The following GALNT2 variants were observed in gnomAD, a reference collection of about 807,000 sequenced individuals.
The protein encoded by GALNT2 is UDP-GalNAc:polypeptide N-acetylgalactosaminyltransferase 2.
In GALNT2, 31 loss-of-function variants were observed where a neutral mutation model predicts 81.4. The ratio of observed to expected loss-of-function variants is 0.38; its 90% confidence interval spans 0.29 to 0.51. The LOEUF (loss-of-function observed/expected upper bound fraction) is 0.51, where lower values mean the gene tolerates loss of function less well. GALNT2 is among the 20% of genes least tolerant of loss of function. GALNT2 has a pLI of 0.87. For missense variants in GALNT2, 629 were observed against 765.7 expected (o/e 0.82, Z 2.11); for synonymous variants, 303 against 287.4 (o/e 1.05, Z -0.55).
At chr1:230,270,894 G>A (rs1247909758) in intron 14 of GALNT2, among the ~76,000 whole-genome samples, 2 of 152,164 alleles carry the variant, frequency 1.3e-5, no homozygotes, top group Admixed American at 6.5e-5. Context: ...AGAACAAAAC[G>A]GCAACTAGCT....
Position 230,279,532 on chromosome 1 carries a change from G to A in GALNT2, c.*74G>A. ...GTCTGGTGATCACATTATTGATTATGTTTCTTAAACTTTCCGCGAAACTAA... is the reference window on the plus strand; with the variant it reads ...GTCTGGTGATCACATTATTGATTATATTTCTTAAACTTTCCGCGAAACTAA... On this transcript the variant is annotated 3_prime_UTR_variant, in exon 16 of 16. Transcript: ENST00000366672. This position sits in a 1 kb window ranked among gnomAD's most constrained non-coding sequence, Gnocchi z 4.6. 1 of 1,536,702 alleles carries A rather than the reference G, an allele frequency of 6.5e-7. No individual in the cohort carries two copies. Among genetic ancestry groups the A allele is most frequent in the South Asian group, 1.2e-5 (1 of 81,632 alleles).
chr1:230,201,328 C>T (rs1015549720), intron 2 of GALNT2, among the ~76,000 whole-genome samples: 1 of 152,114 alleles, frequency 6.6e-6, no homozygotes, highest in Non-Finnish European at 1.5e-5. Flanking sequence ...TGTGACACCC[C>T]CCAAGCATCA....
At chr1:230,223,686 G>A (rs529873826) in intron 3 of GALNT2, among the ~76,000 whole-genome samples, 1 of 152,146 alleles carries the variant, frequency 6.6e-6, no homozygotes, top group South Asian at 2.1e-4. Context: ...GGCCAGGCTG[G>A]TCTTGAACTC....
intron 1 of GALNT2, among the ~76,000 whole-genome samples, chr1:230,137,589 A>G (rs1661591486): frequency 6.6e-6 from 1 of 152,208 alleles, no homozygotes; most frequent in Admixed American, 6.5e-5. Context: ...CAGAAGTTTC[A>G]TTGCTTTTTA....
At chr1:230,256,736 T>C (rs992719538) in intron 11 of GALNT2, among the ~76,000 whole-genome samples, 3 of 152,204 alleles carry the variant, frequency 2.0e-5, no homozygotes, top group Non-Finnish European at 4.4e-5. Flanking sequence ...ATGCTAAAGA[T>C]AGAACAGCGT....
At chr1:230,207,392 T>C (rs1412736630) in intron 3 of GALNT2, among the ~76,000 whole-genome samples, 1 of 152,112 alleles carries the variant, frequency 6.6e-6, no homozygotes. Context: ...GAATAAGGCT[T>C]CAGAGCCTCC....
At chr1:230,244,305 G>A (rs928645955) in intron 7 of GALNT2, among the ~76,000 whole-genome samples, 5 of 151,928 alleles carry the variant, frequency 3.3e-5, no homozygotes, top group Admixed American at 1.3e-4. Flanking sequence ...TGTTATCTCC[G>A]TTTGACAGGT....
intron 14 of GALNT2, among the ~76,000 whole-genome samples, chr1:230,266,237 T>C (rs1189741176): frequency 1.3e-5 from 2 of 152,124 alleles, no homozygotes; most frequent in Non-Finnish European, 2.9e-5. Context: ...CACTACCTTC[T>C]CTTCTCCCAT....
chr1:230,210,609 TG>T (rs1319789893), intron 3 of GALNT2, among the ~76,000 whole-genome samples: 36 of 152,380 alleles, frequency 2.4e-4, no homozygotes, highest in African/African-American at 8.7e-4. Flanking sequence ...AAGAATATGT[TG>T]TTTTTACTCT....
chr1:230,113,366 C>T (rs940434547), intron 1 of GALNT2, among the ~76,000 whole-genome samples: 5 of 152,076 alleles, frequency 3.3e-5, no homozygotes, highest in African/African-American at 4.8e-5. Flanking sequence ...ATCCAGTTTG[C>T]GCAGCACTTA....
chr1:230,164,297 G>A (rs759776423), intron 1 of GALNT2, among the ~76,000 whole-genome samples: 1 of 152,164 alleles, frequency 6.6e-6, no homozygotes, highest in African/African-American at 2.4e-5. Context: ...TTCTCTCCTT[G>A]TGTGTGTGAT....
At chr1:230,196,244 T>A (rs1663691419) in intron 2 of GALNT2, among the ~76,000 whole-genome samples, 1 of 152,218 alleles carries the variant, frequency 6.6e-6, no homozygotes, top group Admixed American at 6.5e-5. Flanking sequence ...GCCTCCTGCA[T>A]CTGGCAGGCT....
At chr1:230,148,465 G>C (rs916784635) in intron 1 of GALNT2, among the ~76,000 whole-genome samples, 2 of 152,238 alleles carry the variant, frequency 1.3e-5, no homozygotes, top group Non-Finnish European at 2.9e-5. Flanking sequence ...TAACACAAGT[G>C]CTCTCTGTCC....
At chr1:230,199,941 G>A (rs923931304) in intron 2 of GALNT2, among the ~76,000 whole-genome samples, 4 of 152,092 alleles carry the variant, frequency 2.6e-5, no homozygotes, top group African/African-American at 7.2e-5. Context: ...CAGGGAAGCC[G>A]CCCCTGGTTT....
chr1:230,080,340 G>A lies in GALNT2; in HGVS notation c.126+12934G>A, dbSNP rs777017398. Among the ~76,000 whole-genome samples, 4 of 152,126 alleles carry A rather than the reference G, an allele frequency of 2.6e-5. 1 individual carries two copies. The highest frequency in any genetic ancestry group is 7.2e-5 in the African/African-American group (3 of 41,440). ...GGAGGACTGATGTGTGTTCAGAGTC[G>A]GAGCTTTCTGCAGAAATTCGAGTCC... On this transcript the variant is annotated intron_variant, in intron 1 of 15. Transcript: ENST00000366672.
intron 1 of GALNT2, among the ~76,000 whole-genome samples, chr1:230,093,551 G>T (rs1004457382): frequency 6.6e-6 from 1 of 152,248 alleles, no homozygotes; most frequent in African/African-American, 2.4e-5. Flanking sequence ...AGGCAGCACA[G>T]AGTGGTTGTT....
intron 2 of GALNT2, among the ~76,000 whole-genome samples, chr1:230,179,253 C>CTA: frequency 6.6e-6 from 1 of 152,214 alleles, no homozygotes; most frequent in East Asian, 1.9e-4. Context: ...ATTAAAGCTA[C>CTA]TATAAATATC....
rs971498105 is a variant in GALNT2 at position 230,279,193 on chromosome 1, G to T, written c.1561-110G>T. On this transcript the variant is annotated intron_variant, in intron 15 of 15. Coordinates refer to ENST00000366672, the MANE Select transcript of GALNT2 (RefSeq NM_004481.5). This position sits in a 1 kb window ranked among gnomAD's most constrained non-coding sequence, Gnocchi z 4.6. ...GTTCAGATGAGAGGCTGGGAAAAAC[G>T]TGTCTATCTGTGAGTTTTTAATGCA... 3.4e-6 allele frequency: 4 copies of T among 1,185,602 alleles called. No homozygotes were observed. In the African/African-American group the frequency reaches 4.7e-5, roughly 14 times the overall value. 73.4% of individuals were successfully genotyped at this position (1,185,602 alleles called of 1,614,324 possible).
At position 230,246,053 on chromosome 1, in the gene GALNT2, T is replaced by C; in HGVS notation, c.730-10T>C. ...GGATTTTGATAACTACTCCTCTCTT[T>C]GTATTTTAGGACAGGACTCGGGTTG... On this transcript the variant is annotated splice_polypyrimidine_tract_variant and intron_variant, in intron 7 of 15. Transcript: ENST00000366672. The C allele has an allele frequency of 1.9e-6, 3 of 1,609,814 alleles. No homozygotes were observed. The highest frequency in any genetic ancestry group is 2.6e-6 in the Non-Finnish European group (3 of 1,176,072).
Sources: allele counts gnomAD v4.1 joint callset (sites outside exome capture counted in the v4.1 genomes callset), GRCh38; gene constraint gnomAD v4.1.1; non-coding constraint Gnocchi (gnomAD v3.1); transcripts MANE v1.5; gene names NCBI Gene and HGNC (gene_info 2026-07-23, HGNC 2026-07-21).